Variants in PCDH15 observed in about 807,000 individuals in gnomAD.
PCDH15 encodes protocadherin-15.
A neutral mutation model predicts 178.5 loss-of-function variants in PCDH15; 129 were observed. The ratio of observed to expected loss-of-function variants is 0.72; its 90% confidence interval spans 0.63 to 0.84. The LOEUF (loss-of-function observed/expected upper bound fraction) is 0.84. Among genes scored for constraint, PCDH15 ranks in the 40% least tolerant of loss-of-function variants. The pLI, the probability that PCDH15 is intolerant of heterozygous loss-of-function variation, is 0.00. For missense variants in PCDH15, 2,230 were observed against 2,099.9 expected (o/e 1.06, Z -1.21); for synonymous variants, 800 against 732.0 (o/e 1.09, Z -1.50).
chr10:54,165,050 G>A (rs2046081165), intron 13 of PCDH15, among the ~76,000 whole-genome samples: 1 of 152,140 alleles, frequency 6.6e-6, no homozygotes. Flanking sequence ...TTTTATGTTT[G>A]TTGATTTCTT....
intron 2 of PCDH15, among the ~76,000 whole-genome samples, chr10:55,092,647 A>G (rs555472983): frequency 1.3e-5 from 2 of 152,042 alleles, no homozygotes; most frequent in Admixed American, 1.3e-4. Context: ...AGAAGAAAAC[A>G]AATTAATGAC....
At chr10:54,676,721 C>T (rs1282082381) in intron 1 of PCDH15, among the ~76,000 whole-genome samples, 1 of 152,112 alleles carries the variant, frequency 6.6e-6, no homozygotes, top group Non-Finnish European at 1.5e-5. Context: ...GTGAAACTTT[C>T]TAAACTATGA....
chr10:55,263,849 C>T (rs187955629), intron 1 of PCDH15, among the ~76,000 whole-genome samples: 244 of 152,248 alleles, frequency 1.6e-3, no homozygotes, highest in Non-Finnish European at 2.9e-3. Flanking sequence ...GTTCTCCTGC[C>T]TCAGCCTCCC....
At chr10:55,101,015 CT>C (rs1842563510) in intron 2 of PCDH15, among the ~76,000 whole-genome samples, 1 of 152,078 alleles carries the variant, frequency 6.6e-6, no homozygotes, top group Admixed American at 6.6e-5. Context: ...CAATTGTTTA[CT>C]TTTTTTGCTA....
intron 1 of PCDH15, among the ~76,000 whole-genome samples, chr10:55,210,180 TA>T (rs1346247257): frequency 1.3e-5 from 2 of 151,980 alleles, no homozygotes; most frequent in East Asian, 3.8e-4. Context: ...ATGTAATTAC[TA>T]ATCCAATTAA....
intron 5 of PCDH15, among the ~76,000 whole-genome samples, chr10:54,358,703 C>T (rs1945470883): frequency 6.6e-6 from 1 of 152,228 alleles, no homozygotes; most frequent in South Asian, 2.1e-4. Flanking sequence ...TGTAAAGACA[C>T]ATGCACATGT....
chr10:55,392,586 C>T (rs551569256), intron 2 of PCDH15, among the ~76,000 whole-genome samples: 1 of 151,960 alleles, frequency 6.6e-6, no homozygotes, highest in East Asian at 1.9e-4. Flanking sequence ...TGATTTATGT[C>T]CATCAAAATA....
In PCDH15 at chr10:55,461,033, C is replaced by A. The variant is rs540369813; in HGVS notation, c.-156+166592G>T. Among the ~76,000 whole-genome samples the A allele has an allele frequency of 2.6e-5, 4 of 152,236 alleles. No homozygotes were observed. In the East Asian group the frequency reaches 5.8e-4, roughly 22 times the overall value. Reference sequence around the variant, plus strand: ...TTCCAGTGTGGTTGATGTGAACAGGCACTATTCTCAGCCCTGTGTTAGCTC... The same window carrying A: ...TTCCAGTGTGGTTGATGTGAACAGGAACTATTCTCAGCCCTGTGTTAGCTC... On this transcript the variant is annotated intron_variant, in intron 2 of 5. Coordinates refer to the PCDH15 transcript ENST00000613346.
At chr10:55,235,465 A>C (rs1841351685) in intron 1 of PCDH15, among the ~76,000 whole-genome samples, 1 of 152,122 alleles carries the variant, frequency 6.6e-6, no homozygotes, top group Non-Finnish European at 1.5e-5. Context: ...AAGTCCATAC[A>C]TTCTTCCCCA....
intron 26 of PCDH15, among the ~76,000 whole-genome samples, chr10:53,888,707 C>T: frequency 2.7e-5 from 1 of 37,148 alleles, no homozygotes; most frequent in African/African-American, 6.6e-5. Context: ...ATATATATCT[C>T]CTGTGGAAAT....
At chr10:55,358,218 T>C (rs1192076450) in intron 2 of PCDH15, among the ~76,000 whole-genome samples, 1 of 152,090 alleles carries the variant, frequency 6.6e-6, no homozygotes, top group African/African-American at 2.4e-5. Context: ...TGCAAAACAG[T>C]GAAATTTAGA....
At chr10:53,955,961 T>A (rs1257342428) in intron 23 of PCDH15, among the ~76,000 whole-genome samples, 2 of 152,164 alleles carry the variant, frequency 1.3e-5, no homozygotes, top group African/African-American at 2.4e-5. Context: ...ATAGGCATAT[T>A]GCCAAAGCTA....
At chr10:55,299,246 A>C (rs140950786) in intron 1 of PCDH15, among the ~76,000 whole-genome samples, 14 of 152,300 alleles carry the variant, frequency 9.2e-5, no homozygotes, top group African/African-American at 3.4e-4. Flanking sequence ...GATAGAAATA[A>C]GATGTAACCC....
At chr10:54,158,715 C>G (rs1399683479) in intron 13 of PCDH15, among the ~76,000 whole-genome samples, 1 of 84,172 alleles carries the variant, frequency 1.2e-5, no homozygotes, top group Non-Finnish European at 2.0e-5. Context: ...AAAAATGACA[C>G]AGAAAGCCAC....
rs1589291592 is a variant in PCDH15 at position 53,894,490 on chromosome 10, A to C, written c.3501+8753T>G. ...AGTTTCCTCATACTTGGCAATGGGG[A>C]ACCAAAATTAGTGTTTTATTGGACC... On this transcript the variant is annotated intron_variant, in intron 26 of 37. Coordinates refer to ENST00000644397, the MANE Select transcript of PCDH15 (RefSeq NM_001384140.1). Among the ~76,000 whole-genome samples the C allele has an allele frequency of 2.0e-5, 3 of 152,292 alleles. No homozygotes were observed. The East Asian group carries it at 5.8e-4, about 29-fold the overall frequency.
chr10:55,132,496 A>G (rs375957902), intron 2 of PCDH15, among the ~76,000 whole-genome samples: 20 of 152,196 alleles, frequency 1.3e-4, no homozygotes, highest in African/African-American at 4.6e-4. Context: ...GTGAGATAGC[A>G]CTAAAGTAAG....
At chr10:54,491,751 C>G (rs549103876) in intron 3 of PCDH15, among the ~76,000 whole-genome samples, 2 of 152,224 alleles carry the variant, frequency 1.3e-5, no homozygotes, top group East Asian at 3.9e-4. Flanking sequence ...CAAAGTGAAA[C>G]TGACTAGGTT....
intron 4 of PCDH15, among the ~76,000 whole-genome samples, chr10:54,375,865 A>G (rs1021229342): frequency 1.7e-5 from 2 of 120,100 alleles, no homozygotes; most frequent in Non-Finnish European, 3.5e-5. Context: ...AAATAAAAAT[A>G]TATTTTTGAA....
chr10:55,240,743 C>T (rs945903084), intron 1 of PCDH15, among the ~76,000 whole-genome samples: 2 of 152,108 alleles, frequency 1.3e-5, no homozygotes, highest in African/African-American at 4.8e-5. Flanking sequence ...CGCCTTATTA[C>T]TATACTTTTA....
Sources: allele counts gnomAD v4.1 joint callset (sites outside exome capture counted in the v4.1 genomes callset), GRCh38; gene constraint gnomAD v4.1.1; transcripts MANE v1.5; gene names NCBI Gene and HGNC (gene_info 2026-07-23, HGNC 2026-07-21).